Variants in DAO observed in about 807,000 individuals in gnomAD.
The protein encoded by DAO is D-amino acid oxidase, also known as D-amino-acid oxidase.
A neutral mutation model predicts 50.1 loss-of-function variants in DAO; 51 were observed. That is an observed-to-expected ratio of 1.02 (90% CI 0.81 to 1.29). DAO has a LOEUF of 1.29. DAO is among the 50% of genes most tolerant of loss of function. The probability of loss-of-function intolerance (pLI) is 0.00; values close to 1 mark genes in which losing one functional copy is unlikely to be tolerated. For missense variants in DAO, 436 were observed against 439.4 expected (o/e 0.99, Z 0.07); for synonymous variants, 160 against 166.2 (o/e 0.96, Z 0.29).
intron 9 of DAO, 46 bp from the exon 10 acceptor site, chr12:108,899,331 A>C: frequency 3.0e-6 from 4 of 1,320,778 alleles, no homozygotes; most frequent in Non-Finnish European, 4.2e-6. Flanking sequence ...AAATGGCAGC[A>C]GGAAAAAAAA....
intron 2 of DAO, among the ~76,000 whole-genome samples, chr12:108,886,880 G>A (rs2039441070): frequency 6.6e-6 from 1 of 152,174 alleles, no homozygotes; most frequent in African/African-American, 2.4e-5. Flanking sequence ...TGCTTTTGAG[G>A]TCACCTCAAT....
chr12:108,880,188 G>A lies in DAO; in HGVS notation c.-46G>A, dbSNP rs2039361395. 2.2e-6 allele frequency: 1 copy of A among 454,470 alleles called. No homozygotes were observed. Among genetic ancestry groups the A allele is most frequent in the African/African-American group, 2.0e-5 (1 of 50,076 alleles). 28.2% of individuals were successfully genotyped at this position (454,470 alleles called of 1,614,324 possible). ...AAATAGCATCCTGTGTCCCCGCACT[G>A]CAGTTGTCTGGTCTCTCCAGCAGTT... On this transcript the variant is annotated 5_prime_UTR_variant, in exon 1 of 11. Coordinates refer to ENST00000228476, the MANE Select transcript of DAO (RefSeq NM_001917.5).
chr12:108,885,865 C>T (rs2039431409), intron 2 of DAO, among the ~76,000 whole-genome samples: 2 of 152,210 alleles, frequency 1.3e-5, no homozygotes, highest in African/African-American at 4.8e-5. Context: ...AGCGATTCTC[C>T]TGCCTCAGCT....
intron 1 of DAO, among the ~76,000 whole-genome samples, chr12:108,881,023 G>A (rs12579920): frequency 0.05 from 7,616 of 152,112 alleles, 244 homozygotes; most frequent in East Asian, 0.2. Context: ...GAATGAGGGC[G>A]GTAACCTTCC....
At chr12:108,888,183 A>G (rs1470699887) in intron 3 of DAO, among the ~76,000 whole-genome samples, 1 of 152,192 alleles carries the variant, frequency 6.6e-6, no homozygotes, top group Non-Finnish European at 1.5e-5. Context: ...GCTAACAGGA[A>G]CAGCACAGCC....
At chr12:108,897,248 C>T (rs1230329671) in intron 8 of DAO, among the ~76,000 whole-genome samples, 160 bp downstream of exon 8, 5 of 152,062 alleles carry the variant, frequency 3.3e-5, no homozygotes, top group African/African-American at 9.7e-5. Flanking sequence ...CAGAGTTTCA[C>T]TCTTATTGCC....
intron 1 of DAO, among the ~76,000 whole-genome samples, chr12:108,882,137 G>A (rs1206408364): frequency 4.6e-5 from 7 of 152,190 alleles, no homozygotes; most frequent in African/African-American, 1.7e-4. Context: ...CCTGGGCTCT[G>A]CCTCTCACCA....
chr12:108,895,531 T>C (rs954158401), intron 7 of DAO, among the ~76,000 whole-genome samples: 1 of 124,826 alleles, frequency 8.0e-6, no homozygotes, highest in Non-Finnish European at 1.6e-5. Flanking sequence ...ATGCACACCA[T>C]GTGAGGGTAT....
At chr12:108,899,343 T>A (rs1593168395) in intron 9 of DAO, 34 bp from the exon 10 acceptor site, 1 of 1,536,830 alleles carries the variant, frequency 6.5e-7, no homozygotes, top group African/African-American at 1.4e-5. Context: ...GAAAAAAAAA[T>A]CCAGAAATGA....
rs909865453 is a variant in DAO at position 108,899,658 on chromosome 12, C to T, written c.912+183C>T. Reference sequence around the variant, plus strand: ...CTGAGGCTCAATGATGGTTAAGGACCTGCTCAAGGTTACATAGAGGGGCAG... The same window carrying T: ...CTGAGGCTCAATGATGGTTAAGGACTTGCTCAAGGTTACATAGAGGGGCAG... On this transcript the variant is annotated intron_variant, in intron 10 of 10. Transcript: ENST00000228476. 49 of 665,426 alleles carry T rather than the reference C, an allele frequency of 7.4e-5. No homozygotes were observed. The Middle Eastern group carries it at 1.2e-3, about 16-fold the overall frequency. 41.2% of individuals were successfully genotyped at this position (665,426 alleles called of 1,614,324 possible).
intron 3 of DAO, among the ~76,000 whole-genome samples, chr12:108,888,023 C>T (rs1034983014): frequency 1.3e-5 from 2 of 152,130 alleles, no homozygotes; most frequent in South Asian, 2.1e-4. Flanking sequence ...TCTTTATAAC[C>T]GGGAGGTAAG....
intron 5 of DAO, among the ~76,000 whole-genome samples, chr12:108,890,802 T>C (rs1315296660): frequency 6.6e-6 from 1 of 152,166 alleles, no homozygotes; most frequent in East Asian, 1.9e-4. Context: ...CATACATTCA[T>C]ATTAAGGGAG....
chr12:108,880,092 G>A lies in DAO; in HGVS notation c.-142G>A, dbSNP rs758713423. 2 of 456,520 alleles carry A rather than the reference G, an allele frequency of 4.4e-6. No individual in the cohort carries two copies. The highest frequency in any genetic ancestry group is 2.0e-5 in the African/African-American group (1 of 50,044). The allele number at this position is 456,520 out of a possible 1,614,324, so 28.3% of individuals were successfully genotyped here. ...GTCCATAGCTCCAGACTTTGACCCTGCACTCCAGTCCGGGCTGGCGGACAG... is the reference window on the plus strand; with the variant it reads ...GTCCATAGCTCCAGACTTTGACCCTACACTCCAGTCCGGGCTGGCGGACAG... On this transcript the variant is annotated 5_prime_UTR_variant, in exon 1 of 11. Coordinates refer to ENST00000228476, the MANE Select transcript of DAO (RefSeq NM_001917.5).
chr12:108,895,007 C>G (rs1047974980), intron 7 of DAO, among the ~76,000 whole-genome samples: 4 of 152,216 alleles, frequency 2.6e-5, no homozygotes, highest in African/African-American at 9.6e-5. Flanking sequence ...TGAGCCACCA[C>G]GCTCAGCCTA....
In DAO at chr12:108,899,342, AT is replaced by A. The variant is rs570072379; in HGVS notation, c.814-34del. 116 of 1,571,068 alleles carry A rather than the reference AT, an allele frequency of 7.4e-5. No homozygotes were observed. In the African/African-American group the frequency reaches 1.4e-3, roughly 19 times the overall value. ...CTAAAAATGGCAGCAGGAAAAAAAA[AT>A]CCAGAAATGAGTGATCAGCACTTTT... On this transcript the variant is annotated intron_variant, in intron 9 of 10. Transcript: ENST00000228476.
chr12:108,881,888 G>A (rs1022671926), intron 1 of DAO, among the ~76,000 whole-genome samples: 3 of 152,028 alleles, frequency 2.0e-5, no homozygotes, highest in Non-Finnish European at 4.4e-5. Context: ...TTAAAGACGT[G>A]AGCCACTGTG....
At chr12:108,889,355 C>T in intron 3 of DAO, 114 bp from the exon 4 acceptor site, 1 of 690,548 alleles carries the variant, frequency 1.4e-6, no homozygotes, top group South Asian at 1.4e-5. Flanking sequence ...GGTGATCCAC[C>T]CATCTCAGCT....
chr12:108,895,371 GCATATGTGATGGTGTGTGCA>G (rs2039538603), intron 7 of DAO, among the ~76,000 whole-genome samples: 1 of 142,918 alleles, frequency 7.0e-6, no homozygotes, highest in African/African-American at 2.8e-5. Context: ...GAGGGTGTGT[GCATATGTGATGGTGTGTGCA>G]CATATGTGAG....
chr12:108,884,939 C>T (rs1223422014), intron 1 of DAO, 59 bp from the exon 2 acceptor site: 20 of 1,519,298 alleles, frequency 1.3e-5, no homozygotes, highest in African/African-American at 8.2e-5. Flanking sequence ...GTGGCAATGG[C>T]GCTAAGGATG....
Sources: allele counts gnomAD v4.1 joint callset (sites outside exome capture counted in the v4.1 genomes callset), GRCh38; gene constraint gnomAD v4.1.1; transcripts MANE v1.5; gene names NCBI Gene and HGNC (gene_info 2026-07-23, HGNC 2026-07-21).